Variants in KCNK13 observed in about 807,000 individuals in gnomAD.
KCNK13 encodes the protein potassium channel subfamily K member 13.
Under a neutral mutation model 23.4 loss-of-function variants are expected in KCNK13, and 12 were observed. That is an observed-to-expected ratio of 0.51 (90% CI 0.33 to 0.83). The LOEUF is 0.83. KCNK13 is among the 40% of genes least tolerant of loss of function. The pLI is 0.02. For missense variants in KCNK13, 463 were observed against 556.3 expected, an observed-to-expected ratio of 0.83 and a Z score of 1.69; for synonymous variants, 231 against 229.5, an observed-to-expected ratio of 1.01 and a Z score of -0.06.
intron 1 of KCNK13, 137 bp from the exon 2 acceptor site, chr14:90,183,973 GC>G (rs2140450868): frequency 1.3e-6 from 1 of 754,364 alleles, no homozygotes; most frequent in East Asian, 2.6e-5. Context: ...GAATTCTCCT[GC>G]TCATTCCTAG....
chr14:90,093,834 A>G (rs571535613), intron 1 of KCNK13, among the ~76,000 whole-genome samples: 1 of 152,360 alleles, frequency 6.6e-6, no homozygotes, highest in African/African-American at 2.4e-5. Flanking sequence ...TCTGGAATAC[A>G]GTCTGAAGTC....
chr14:90,148,193 G>T (rs950546548), intron 1 of KCNK13, among the ~76,000 whole-genome samples: 16 of 152,198 alleles, frequency 1.1e-4, no homozygotes, highest in African/African-American at 3.9e-4. Context: ...ACAAGTCTTA[G>T]GTTTACAGGG....
chr14:90,088,562 T>G (rs1350686518), intron 1 of KCNK13, among the ~76,000 whole-genome samples: 5 of 152,188 alleles, frequency 3.3e-5, no homozygotes, highest in Non-Finnish European at 7.3e-5. Flanking sequence ...CTGTCAACTT[T>G]TTAACATCAG....
intron 1 of KCNK13, among the ~76,000 whole-genome samples, chr14:90,154,872 C>G (rs1392798384): frequency 6.6e-6 from 1 of 152,108 alleles, no homozygotes; most frequent in Non-Finnish European, 1.5e-5. Context: ...AAAAGCTGTA[C>G]AGGAAGAGGT....
intron 1 of KCNK13, among the ~76,000 whole-genome samples, chr14:90,096,368 A>C (rs1439932455): frequency 1.3e-5 from 2 of 152,194 alleles, no homozygotes; most frequent in Non-Finnish European, 2.9e-5. Context: ...AAAAGACATC[A>C]CATTAGAGAT....
chr14:90,107,224 A>G (rs1889554785), intron 1 of KCNK13, among the ~76,000 whole-genome samples: 1 of 152,026 alleles, frequency 6.6e-6, no homozygotes, highest in South Asian at 2.1e-4. Context: ...TCATGCCTGT[A>G]ATCCCAGCAC....
chr14:90,147,137 TATTTCATA>T (rs1223304487), intron 1 of KCNK13, among the ~76,000 whole-genome samples: 1 of 152,264 alleles, frequency 6.6e-6, no homozygotes, highest in Non-Finnish European at 1.5e-5. Flanking sequence ...TGCAAACTCT[TATTTCATA>T]TGTTTGTACA....
At chr14:90,103,784 A>G (rs1889509739) in intron 1 of KCNK13, among the ~76,000 whole-genome samples, 1 of 152,152 alleles carries the variant, frequency 6.6e-6, no homozygotes, top group South Asian at 2.1e-4. Flanking sequence ...GCTGGTCTCA[A>G]ACCCGGGACC....
chr14:90,092,429 AAC>A (rs1271646233), intron 1 of KCNK13, among the ~76,000 whole-genome samples: 1 of 152,188 alleles, frequency 6.6e-6, no homozygotes, highest in African/African-American at 2.4e-5. Context: ...TAGGTTATGA[AAC>A]ACAGATGCAG....
At chr14:90,173,137 G>A (rs2140444667) in intron 1 of KCNK13, among the ~76,000 whole-genome samples, 1 of 152,290 alleles carries the variant, frequency 6.6e-6, no homozygotes, top group East Asian at 1.9e-4. Context: ...TAGACATGAA[G>A]GAGATGCGAA....
chr14:90,180,369 A>T (rs1454077682), intron 1 of KCNK13, among the ~76,000 whole-genome samples: 1 of 152,134 alleles, frequency 6.6e-6, no homozygotes, highest in Non-Finnish European at 1.5e-5. Context: ...AACTCTCAGC[A>T]TTATGGGGCT....
intron 1 of KCNK13, among the ~76,000 whole-genome samples, chr14:90,063,196 G>A (rs1888966517): frequency 6.6e-6 from 1 of 152,108 alleles, no homozygotes; most frequent in Non-Finnish European, 1.5e-5. Context: ...GGAGAGAATC[G>A]CACTCAGGGG....
rs1310565356 is a variant in KCNK13 at position 90,062,783 on chromosome 14, A to T, written c.334+244A>T. ...AATGCAGTCTCAGTCCCCTCTGCAG[A>T]CCTGCCGAGTCAGAATCTGCATGTT... On this transcript the variant is annotated intron_variant, in intron 1 of 1. Coordinates refer to ENST00000282146, the MANE Select transcript of KCNK13 (RefSeq NM_022054.4). This position sits in a 1 kb window ranked among gnomAD's most constrained non-coding sequence, Gnocchi z 4.5. 6.6e-6 allele frequency among the ~76,000 whole-genome samples: 1 copy of T among 152,152 alleles called. No homozygotes were observed. Among genetic ancestry groups the T allele is most frequent in the African/African-American group, 2.4e-5 (1 of 41,446 alleles).
intron 1 of KCNK13, among the ~76,000 whole-genome samples, chr14:90,159,953 G>GTT (rs1890235078): frequency 1.1e-5 from 1 of 89,118 alleles, no homozygotes; most frequent in African/African-American, 2.9e-5. Flanking sequence ...AGGGGTGTGT[G>GTT]TGTGTGTGTG....
Position 90,131,324 on chromosome 14 carries a change from C to T in KCNK13, c.335-52787C>T, listed in dbSNP as rs562277162. 3.3e-4 allele frequency among the ~76,000 whole-genome samples: 50 copies of T among 151,976 alleles called. No homozygotes were observed. The East Asian group carries it at 4.3e-3, about 13-fold the overall frequency. On this transcript the variant is annotated intron_variant, in intron 1 of 1. Coordinates refer to ENST00000282146, the MANE Select transcript of KCNK13 (RefSeq NM_022054.4). ...TCAGCTCACTGCAACCTCTGCCTCCCGGGTTCAAGTGATTCTCCTGCCTCA... is the reference window on the plus strand; with the variant it reads ...TCAGCTCACTGCAACCTCTGCCTCCTGGGTTCAAGTGATTCTCCTGCCTCA...
chr14:90,063,359 T>C (rs1267000843), intron 1 of KCNK13, among the ~76,000 whole-genome samples: 1 of 152,112 alleles, frequency 6.6e-6, no homozygotes. Flanking sequence ...AGCAAAGATG[T>C]AGCACAGCTA....
chr14:90,066,144 T>TC (rs1211494817), intron 1 of KCNK13, among the ~76,000 whole-genome samples: 1 of 149,844 alleles, frequency 6.7e-6, no homozygotes, highest in African/African-American at 2.5e-5. Flanking sequence ...TTGTATTTTT[T>TC]TTTTTTTTTT....
chr14:90,175,096 A>G (rs1418133907), intron 1 of KCNK13, among the ~76,000 whole-genome samples: 1 of 152,164 alleles, frequency 6.6e-6, no homozygotes, highest in African/African-American at 2.4e-5. Flanking sequence ...ACATATATTA[A>G]GATGTTATCT....
At chr14:90,166,223 C>T (rs1389327490) in intron 1 of KCNK13, among the ~76,000 whole-genome samples, 1 of 152,102 alleles carries the variant, frequency 6.6e-6, no homozygotes, top group East Asian at 1.9e-4. Flanking sequence ...GAGTCATAAC[C>T]CTAAAAATAT....
Sources: allele counts gnomAD v4.1 joint callset (sites outside exome capture counted in the v4.1 genomes callset), GRCh38; gene constraint gnomAD v4.1.1; non-coding constraint Gnocchi (gnomAD v3.1); transcripts MANE v1.5; gene names NCBI Gene and HGNC (gene_info 2026-07-23, HGNC 2026-07-21).